Variants in ERICH6B observed in about 807,000 individuals in gnomAD.
The protein encoded by ERICH6B is glutamate-rich protein 6B.
A neutral mutation model predicts 80.0 loss-of-function variants in ERICH6B; 69 were observed. The ratio of observed to expected loss-of-function variants is 0.86; its 90% confidence interval spans 0.71 to 1.05. The LOEUF (loss-of-function observed/expected upper bound fraction) is 1.05, where lower values mean the gene tolerates loss of function less well. Among genes scored for constraint, ERICH6B ranks in the 50% least tolerant of loss-of-function variants. The pLI is 0.00. For synonymous variants in ERICH6B, 283 were observed against 291.9 expected (o/e 0.97, Z 0.31); for missense variants, 754 against 796.1 (o/e 0.95, Z 0.64).
chr13:45,604,173 T>C (rs1427200830), intron 2 of ERICH6B, among the ~76,000 whole-genome samples: 2 of 152,238 alleles, frequency 1.3e-5, no homozygotes, highest in Non-Finnish European at 2.9e-5. Context: ...GAGGGAACTC[T>C]GCTGACTCTG....
At chr13:45,590,755 T>G in intron 3 of ERICH6B, 58 bp from the exon 4 acceptor site, 2 of 1,454,810 alleles carry the variant, frequency 1.4e-6, no homozygotes, top group South Asian at 1.2e-5. Flanking sequence ...TCTTTCTATT[T>G]AAAAATACGT....
chr13:45,563,747 C>A lies in ERICH6B; in HGVS notation c.1229G>T (p.Arg410Leu). 3 of 1,552,264 alleles carry A rather than the reference C, an allele frequency of 1.9e-6. No homozygotes were observed. Among genetic ancestry groups the A allele is most frequent in the Middle Eastern group, 1.7e-4 (1 of 5,998 alleles). Reference protein sequence around the residue: ...NYEKFKETILRIKRRREAQKL... With the variant: ...NYEKFKETILLIKRRREAQKL... The stretch of plus-strand genomic sequence containing the variant: ...CCTACCTTCACGTCTCCTCTTAATC[C>A]GTAAGATTGTTTCCTTGAACTTTTC... Residue 410 changes from arginine to leucine, a missense_variant, in exon 10 of 15, where the codon CGG (arginine) becomes CTG (leucine). By Grantham distance (102) the Arg-to-Leu change is moderately radical. Transcript: ENST00000298738.
At chr13:45,601,757 C>T (rs1420281517) in intron 2 of ERICH6B, among the ~76,000 whole-genome samples, 7 of 152,188 alleles carry the variant, frequency 4.6e-5, no homozygotes, top group Admixed American at 4.6e-4. Context: ...CTTTAATTCT[C>T]TTAGAAATTT....
chr13:45,562,749 C>G (rs974210179), intron 10 of ERICH6B, among the ~76,000 whole-genome samples: 1 of 152,130 alleles, frequency 6.6e-6, no homozygotes, highest in African/African-American at 2.4e-5. Context: ...AAGGAGGAGT[C>G]CCAGCATAAG....
At chr13:45,564,576 G>A (rs1333492705) in intron 9 of ERICH6B, among the ~76,000 whole-genome samples, 3 of 152,224 alleles carry the variant, frequency 2.0e-5, no homozygotes, top group African/African-American at 4.8e-5. Context: ...TCCTTTGCTG[G>A]AAAGGGCTGC....
At chr13:45,613,840 A>T (rs1949912913) in intron 1 of ERICH6B, among the ~76,000 whole-genome samples, 1 of 152,242 alleles carries the variant, frequency 6.6e-6, no homozygotes, top group Non-Finnish European at 1.5e-5. Flanking sequence ...TTTTTTAGTT[A>T]TACAACACAA....
intron 9 of ERICH6B, among the ~76,000 whole-genome samples, chr13:45,564,636 A>G (rs990437023): frequency 6.6e-6 from 1 of 152,256 alleles, no homozygotes; most frequent in Non-Finnish European, 1.5e-5. Flanking sequence ...CCCTAGAAGC[A>G]ATAGGGAAAT....
At chr13:45,571,036 G>T (rs963014648) in intron 8 of ERICH6B, among the ~76,000 whole-genome samples, 4 of 152,084 alleles carry the variant, frequency 2.6e-5, no homozygotes, top group African/African-American at 9.7e-5. Context: ...GTCCATATCT[G>T]CTGCCTACCA....
At chr13:45,603,460 C>T (rs79851191) in intron 2 of ERICH6B, among the ~76,000 whole-genome samples, 6,315 of 152,252 alleles carry the variant, frequency 0.041, 428 homozygotes, top group African/African-American at 0.14. Context: ...CCAGATGAAG[C>T]CAAAGCCCTT....
chr13:45,572,056 C>A (rs902789496), intron 8 of ERICH6B, among the ~76,000 whole-genome samples: 1 of 152,232 alleles, frequency 6.6e-6, no homozygotes, highest in African/African-American at 2.4e-5. Context: ...AAATAAAAAT[C>A]TTTAGCCAAG....
intron 3 of ERICH6B, among the ~76,000 whole-genome samples, chr13:45,596,117 T>C (rs1470083320): frequency 6.6e-6 from 1 of 152,222 alleles, no homozygotes; most frequent in Non-Finnish European, 1.5e-5. Context: ...GTATTATAGT[T>C]GTGAGCAGAA....
At chr13:45,592,575 C>T (rs911372511) in intron 3 of ERICH6B, among the ~76,000 whole-genome samples, 4 of 152,096 alleles carry the variant, frequency 2.6e-5, no homozygotes, top group African/African-American at 2.4e-5. Flanking sequence ...AAATAAAATT[C>T]GATGCACTAT....
At chr13:45,584,179 G>T (rs1222767351) in intron 5 of ERICH6B, among the ~76,000 whole-genome samples, 1 of 152,206 alleles carries the variant, frequency 6.6e-6, no homozygotes, top group African/African-American at 2.4e-5. Flanking sequence ...TGGATGTAAT[G>T]CTCTGCATTA....
chr13:45,544,711 A>G (rs1193933647), intron 14 of ERICH6B, 49 bp downstream of exon 14: 5 of 1,486,494 alleles, frequency 3.4e-6, no homozygotes, highest in Non-Finnish European at 4.6e-6. Flanking sequence ...TGGCCTTTGT[A>G]CAGGTGGGCA....
chr13:45,559,382 G>A (rs1020957399), intron 11 of ERICH6B, among the ~76,000 whole-genome samples: 2 of 151,088 alleles, frequency 1.3e-5, no homozygotes, highest in African/African-American at 4.9e-5. Context: ...CTTTCTTTTT[G>A]TTTCAATTTC....
intron 9 of ERICH6B, among the ~76,000 whole-genome samples, chr13:45,567,123 C>T (rs1354939030): frequency 6.6e-6 from 1 of 152,194 alleles, no homozygotes; most frequent in Admixed American, 6.5e-5. Context: ...TCGTTTTGGC[C>T]AATTTCTCTC....
intron 2 of ERICH6B, among the ~76,000 whole-genome samples, chr13:45,601,987 T>C (rs1198373046): frequency 6.6e-6 from 1 of 152,212 alleles, no homozygotes; most frequent in Non-Finnish European, 1.5e-5. Flanking sequence ...TGAAGGTGCG[T>C]GTGTGTAAAC....
chr13:45,594,151 A>C (rs1012615757), intron 3 of ERICH6B, among the ~76,000 whole-genome samples: 1 of 152,212 alleles, frequency 6.6e-6, no homozygotes, highest in Non-Finnish European at 1.5e-5. Context: ...ATTTTTTTGA[A>C]AAGTTAAGAA....
chr13:45,549,880 G>T lies in ERICH6B; in HGVS notation c.1646+13C>A. On this transcript the variant is annotated intron_variant, in intron 13 of 14. Transcript: ENST00000298738. Reference sequence around the variant, plus strand: ...ATGGGCAGGAGTGTTAGGGACTCATGACCCAAGCTTACCAGATATCACTAT... The same window carrying T: ...ATGGGCAGGAGTGTTAGGGACTCATTACCCAAGCTTACCAGATATCACTAT... The T allele has an allele frequency of 1.9e-6, 3 of 1,548,062 alleles. No homozygotes were observed. In the South Asian group the frequency reaches 3.6e-5, roughly 18 times the overall value.
Sources: gnomAD v4.1 joint callset for allele counts (sites outside exome capture counted in the v4.1 genomes callset) on GRCh38, gnomAD v4.1.1 for gene constraint, MANE v1.5 for transcripts, NCBI Gene and HGNC (gene_info 2026-07-23, HGNC 2026-07-21) for gene names.